Variants in SGSM1 observed in about 807,000 individuals in gnomAD.
The protein encoded by SGSM1 is RUN and TBC1 domain containing 2.
Under a neutral mutation model 133.8 loss-of-function variants are expected in SGSM1, and 73 were observed. That is an observed-to-expected ratio of 0.55 (90% CI 0.45 to 0.66). The LOEUF (loss-of-function observed/expected upper bound fraction) is 0.66, where lower values mean the gene tolerates loss of function less well. Among genes scored for constraint, SGSM1 ranks in the 30% least tolerant of loss-of-function variants. The pLI is 0.00. For missense variants in SGSM1, 1,213 were observed against 1,448.1 expected, an observed-to-expected ratio of 0.84 and a Z score of 2.64; for synonymous variants, 563 against 573.0, an observed-to-expected ratio of 0.98 and a Z score of 0.25.
intron 2 of SGSM1, among the ~76,000 whole-genome samples, chr22:24,839,016 A>C (rs577246495): frequency 5.9e-5 from 9 of 151,694 alleles, no homozygotes; most frequent in South Asian, 4.2e-4. Flanking sequence ...AGGAGTATGA[A>C]GTCTTGGAAA....
At chr22:24,922,330 G>A (rs533022503) in intron 24 of SGSM1, among the ~76,000 whole-genome samples, 3 of 151,468 alleles carry the variant, frequency 2.0e-5, no homozygotes, top group Non-Finnish European at 4.4e-5. Flanking sequence ...GCAGGCGCCC[G>A]CCACCACACC....
intron 2 of SGSM1, among the ~76,000 whole-genome samples, chr22:24,826,014 ACT>A (rs141069529): frequency 0.065 from 9,858 of 152,230 alleles, 1,019 homozygotes; most frequent in African/African-American, 0.22. Context: ...TGCCACAAGC[ACT>A]GTGCTGGGTG....
intron 2 of SGSM1, among the ~76,000 whole-genome samples, chr22:24,836,563 C>G (rs1349712753): frequency 6.6e-6 from 1 of 152,238 alleles, no homozygotes; most frequent in African/African-American, 2.4e-5. Context: ...ATTTCACCTT[C>G]TGATCATTGC....
chr22:24,887,283 G>A (rs1932669411), intron 16 of SGSM1, among the ~76,000 whole-genome samples: 1 of 151,870 alleles, frequency 6.6e-6, no homozygotes, highest in Non-Finnish European at 1.5e-5. Flanking sequence ...CCTAATTCCT[G>A]GCAACCACTA....
At chr22:24,834,457 A>T (rs760386334) in intron 2 of SGSM1, among the ~76,000 whole-genome samples, 1 of 152,240 alleles carries the variant, frequency 6.6e-6, no homozygotes, top group Non-Finnish European at 1.5e-5. Context: ...CTTTCATGCT[A>T]CAAGGGCAGA....
chr22:24,920,172 G>T (rs1259853626), intron 24 of SGSM1, among the ~76,000 whole-genome samples, 179 bp downstream of exon 24: 1 of 152,142 alleles, frequency 6.6e-6, no homozygotes, highest in African/African-American at 2.4e-5. Flanking sequence ...AATGCTGAGG[G>T]TGCATTTTTC....
chr22:24,864,936 A>T (rs1931363215), intron 9 of SGSM1, among the ~76,000 whole-genome samples: 1 of 152,176 alleles, frequency 6.6e-6, no homozygotes. Flanking sequence ...TGAGCCTCAG[A>T]TTATTTATCT....
chr22:24,821,009 A>C (rs1319083787), intron 2 of SGSM1, among the ~76,000 whole-genome samples: 1 of 152,032 alleles, frequency 6.6e-6, no homozygotes, highest in East Asian at 1.9e-4. Context: ...ATTTGATCTC[A>C]TATCTTTTTT....
intron 22 of SGSM1, among the ~76,000 whole-genome samples, chr22:24,913,232 G>T (rs1449182736): frequency 6.7e-6 from 1 of 149,850 alleles, no homozygotes; most frequent in African/African-American, 2.5e-5. Flanking sequence ...GGCAGAGCTT[G>T]CAGTGAGCCG....
rs745665003 is a variant in SGSM1 at position 24,912,661 on chromosome 22, G to C, written c.2837G>C (p.Cys946Ser). 4.3e-6 allele frequency: 7 copies of C among 1,613,032 alleles called. No individual in the cohort carries two copies. The highest frequency in any genetic ancestry group is 5.9e-6 in the Non-Finnish European group (7 of 1,179,520). Residue 946 changes from cysteine to serine, a missense_variant, in exon 22 of 25, where the codon TGC becomes TCC. By Grantham distance (112) the Cys-to-Ser change is moderately radical. Coordinates refer to ENST00000400358, the MANE Select transcript of SGSM1 (RefSeq NM_001098497.3). Reference sequence around the variant, plus strand: ...TTCTCAGAGGCCCTTGCCTTCAGCTGCTTCACGGAGCTCATGAAGAGGATG... The same window carrying C: ...TTCTCAGAGGCCCTTGCCTTCAGCTCCTTCACGGAGCTCATGAAGAGGATG... The part of the protein sequence containing the change: ...ILDDEALAFS[C>S]FTELMKRMNQ...
At chr22:24,841,415 A>G (rs1350945453) in intron 2 of SGSM1, among the ~76,000 whole-genome samples, 1 of 152,246 alleles carries the variant, frequency 6.6e-6, no homozygotes, top group African/African-American at 2.4e-5. Context: ...GCACTTGAGA[A>G]AAGTGGGCAT....
chr22:24,830,505 A>G (rs1238482189), intron 2 of SGSM1, among the ~76,000 whole-genome samples: 1 of 152,182 alleles, frequency 6.6e-6, no homozygotes, highest in Non-Finnish European at 1.5e-5. Context: ...GCAACAGGAA[A>G]TAGATGGCTC....
chr22:24,916,582 C>G (rs7284460), intron 22 of SGSM1, among the ~76,000 whole-genome samples: 10,859 of 152,002 alleles, frequency 0.071, 1,012 homozygotes, highest in African/African-American at 0.21. Context: ...CCTGTAATCC[C>G]AGCTACTTGG....
Position 24,900,385 on chromosome 22 carries a change from T to TTCTTTCTTTCTTTCTTTCTTTCTG in SGSM1, c.2611-1446_2611-1423dup, listed in dbSNP as rs1569170975. On this transcript the variant is annotated intron_variant, in intron 19 of 24. Coordinates refer to ENST00000400358, the MANE Select transcript of SGSM1 (RefSeq NM_001098497.3). The stretch of plus-strand genomic sequence containing the variant: ...TTTCTTTCTTTCTTTCTTTCTTTCT[T>TTCTTTCTTTCTTTCTTTCTTTCTG]TCTTTCTTTCTTTCTTTCTTTCTGT... Among the ~76,000 whole-genome samples the TTCTTTCTTTCTTTCTTTCTTTCTG allele has an allele frequency of 7.1e-4, 51 of 71,336 alleles. 2 individuals carry two copies. The highest frequency in any genetic ancestry group is 2.6e-3 in the African/African-American group (50 of 19,038). 46.8% of individuals were successfully genotyped at this position (71,336 alleles called of 152,430 possible). A position where few individuals can be genotyped will look rare whatever the true frequency, so the allele number is the denominator to read the frequency against.
chr22:24,844,983 G>A lies in SGSM1; in HGVS notation c.139+11G>A. On this transcript the variant is annotated intron_variant, in intron 3 of 24. Coordinates refer to ENST00000400358, the MANE Select transcript of SGSM1 (RefSeq NM_001098497.3). ...TCATCTCCTTCTGTGGTGAGTCTGTGACCTGGGAAAGTGGCTTCTTTCTCT... is the reference window on the plus strand; with the variant it reads ...TCATCTCCTTCTGTGGTGAGTCTGTAACCTGGGAAAGTGGCTTCTTTCTCT... The A allele has an allele frequency of 1.9e-6, 3 of 1,613,398 alleles. No homozygotes were observed. Among genetic ancestry groups the A allele is most frequent in the Non-Finnish European group, 2.5e-6 (3 of 1,179,712 alleles).
chr22:24,923,271 C>T (rs1176989483), intron 24 of SGSM1, among the ~76,000 whole-genome samples: 1 of 144,916 alleles, frequency 6.9e-6, no homozygotes, highest in East Asian at 2.8e-4. Context: ...CCCAAATACT[C>T]CACAGTGCCC....
At chr22:24,840,555 C>A (rs1929728593) in intron 2 of SGSM1, among the ~76,000 whole-genome samples, 1 of 151,338 alleles carries the variant, frequency 6.6e-6, no homozygotes, top group Non-Finnish European at 1.5e-5. Flanking sequence ...GTTGGCCAGG[C>A]TGGTCTTGAA....
intron 2 of SGSM1, among the ~76,000 whole-genome samples, chr22:24,812,857 C>A (rs1168657801): frequency 1.3e-5 from 2 of 152,208 alleles, no homozygotes; most frequent in Non-Finnish European, 2.9e-5. Context: ...GTGCCAGGCC[C>A]TGTTCTACAA....
intron 2 of SGSM1, among the ~76,000 whole-genome samples, chr22:24,810,077 G>A (rs1361027855): frequency 6.6e-6 from 1 of 152,204 alleles, no homozygotes; most frequent in Non-Finnish European, 1.5e-5. Flanking sequence ...GGAGAAAGGT[G>A]CAGATGCGGA....
Sources: gnomAD v4.1 joint callset for allele counts (sites outside exome capture counted in the v4.1 genomes callset) on GRCh38, gnomAD v4.1.1 for gene constraint, MANE v1.5 for transcripts, NCBI Gene and HGNC (gene_info 2026-07-23, HGNC 2026-07-21) for gene names.